The following ATAD2B variants were observed in gnomAD, a reference collection of about 807,000 sequenced individuals.
ATAD2B encodes ATPase family AAA domain containing 2B.
In ATAD2B, 40 loss-of-function variants were observed where a neutral mutation model predicts 167.6. That is an observed-to-expected ratio of 0.24 (90% CI 0.19 to 0.31). The LOEUF is 0.31. ATAD2B is among the 10% of genes least tolerant of loss of function. ATAD2B has a pLI of 1.00. For synonymous variants in ATAD2B, 579 were observed against 596.5 expected, an observed-to-expected ratio of 0.97 and a Z score of 0.43; for missense variants, 1,242 against 1,757.2, an observed-to-expected ratio of 0.71 and a Z score of 5.24.
chr2:23,889,291 C>T (rs1699131045), intron 2 of ATAD2B, among the ~76,000 whole-genome samples: 1 of 152,012 alleles, frequency 6.6e-6, no homozygotes, highest in African/African-American at 2.4e-5. Flanking sequence ...CCTCAGCCTC[C>T]CAAGTAGCTG....
At chr2:23,829,557 C>T (rs1688733300) in intron 14 of ATAD2B, among the ~76,000 whole-genome samples, 2 of 152,072 alleles carry the variant, frequency 1.3e-5, no homozygotes, top group South Asian at 4.1e-4. Context: ...TCAAGACTAG[C>T]CTGGACAACA....
chr2:23,877,466 C>A (rs985921677), intron 7 of ATAD2B, among the ~76,000 whole-genome samples: 1 of 140,324 alleles, frequency 7.1e-6, no homozygotes, highest in Non-Finnish European at 1.5e-5. Flanking sequence ...TGCACTCCAG[C>A]CTAGGTGACA....
At chr2:23,912,576 T>A (rs952791655) in intron 1 of ATAD2B, among the ~76,000 whole-genome samples, 5 of 151,396 alleles carry the variant, frequency 3.3e-5, no homozygotes, top group Middle Eastern at 3.4e-3. Context: ...AGATAACCAA[T>A]GGATGAAAGA....
the ATAD2B span, among the ~76,000 whole-genome samples, chr2:23,687,422 G>A: frequency 2.6e-5 from 4 of 152,180 alleles, no homozygotes; most frequent in Non-Finnish European, 5.9e-5. Flanking sequence ...GTGCCTGCCA[G>A]ACCCAACCCC....
At chr2:23,698,255 C>T in the ATAD2B span, among the ~76,000 whole-genome samples, 1 of 122,044 alleles carries the variant, frequency 8.2e-6, no homozygotes, top group East Asian at 3.4e-4. Context: ...GGCCCTGAGC[C>T]CTTCCTCAGC....
rs35835747 is a variant in ATAD2B at position 23,779,174 on chromosome 2, C to CT, written c.3133+3694dup. Among the ~76,000 whole-genome samples the CT allele has an allele frequency of 5.2e-3, 506 of 97,390 alleles. 8 individuals carry two copies. Among genetic ancestry groups the CT allele is most frequent in the African/African-American group, 0.013 (348 of 26,154 alleles). The allele number at this position is 97,390 out of a possible 152,430, so 63.9% of individuals were successfully genotyped here. On this transcript the variant is annotated intron_variant, in intron 22 of 27. Coordinates refer to ENST00000238789, the MANE Select transcript of ATAD2B (RefSeq NM_017552.4). ...GTTGGTATAATTTTTTTTTTCTTTT[C>CT]TTTTTTTTTTTTTTTTTTTGAGACA...
chr2:23,678,959 G>T, the ATAD2B span, among the ~76,000 whole-genome samples: 1 of 151,356 alleles, frequency 6.6e-6, no homozygotes, highest in East Asian at 1.9e-4. Context: ...CGTTTGTGAA[G>T]ATGAAAAGGA....
At chr2:23,742,268 G>A in the ATAD2B span, among the ~76,000 whole-genome samples, 70 of 152,100 alleles carry the variant, frequency 4.6e-4, 1 homozygote, top group East Asian at 8.5e-3. Flanking sequence ...TGTTTACAGC[G>A]GCACTATTCA....
chr2:23,816,039 A>G (rs188346605), intron 17 of ATAD2B, among the ~76,000 whole-genome samples: 2 of 152,370 alleles, frequency 1.3e-5, no homozygotes, highest in African/African-American at 2.4e-5. Flanking sequence ...CACTTTTACA[A>G]AACATTTGAA....
chr2:23,744,818 C>T (rs933073420), downstream of ATAD2B, among the ~76,000 whole-genome samples: 6 of 152,048 alleles, frequency 3.9e-5, no homozygotes, highest in Admixed American at 1.3e-4. Flanking sequence ...AGAAAGAAAA[C>T]GAATGGGATT....
chr2:23,844,308 G>GAA (rs911795236), intron 13 of ATAD2B, among the ~76,000 whole-genome samples: 1 of 140,656 alleles, frequency 7.1e-6, no homozygotes, highest in African/African-American at 2.6e-5. Context: ...GTCTCAAAAG[G>GAA]AAAAAAAAAA....
At chr2:23,860,803 T>G (rs991747442) in intron 12 of ATAD2B, among the ~76,000 whole-genome samples, 1 of 152,154 alleles carries the variant, frequency 6.6e-6, no homozygotes, top group Non-Finnish European at 1.5e-5. Flanking sequence ...AAACCCTGTC[T>G]GTACTAAAAA....
chr2:23,918,724 G>T (rs1573452583), intron 1 of ATAD2B, among the ~76,000 whole-genome samples: 1 of 152,170 alleles, frequency 6.6e-6, no homozygotes, highest in Non-Finnish European at 1.5e-5. Context: ...CACTTTTTCA[G>T]ATTTTGGTGG....
chr2:23,894,069 A>C (rs1313898099), intron 2 of ATAD2B, among the ~76,000 whole-genome samples: 1 of 152,200 alleles, frequency 6.6e-6, no homozygotes, highest in Non-Finnish European at 1.5e-5. Context: ...CTCAAAATGC[A>C]TCTAGGATTT....
rs1425666915 is a variant in ATAD2B at position 23,750,652 on chromosome 2, G to A, written c.*1394C>T. The stretch of plus-strand genomic sequence containing the variant: ...GCAGCTAACGGCTACAATGAATGAA[G>A]ATACCAAGCCAACTTGCTGGCAAAA... On this transcript the variant is annotated 3_prime_UTR_variant, in exon 28 of 28. Coordinates refer to ENST00000238789, the MANE Select transcript of ATAD2B (RefSeq NM_017552.4). 6.6e-6 allele frequency: 1 copy of A among 152,106 alleles called. No homozygotes were observed. The highest frequency in any genetic ancestry group is 2.4e-5 in the African/African-American group (1 of 41,438). The allele number at this position is 152,106 out of a possible 1,614,324, so 9.4% of individuals were successfully genotyped here.
At chr2:23,783,150 A>G (rs1680302620) in intron 21 of ATAD2B, 122 bp from the exon 22 acceptor site, 2 of 516,568 alleles carry the variant, frequency 3.9e-6, no homozygotes, top group Non-Finnish European at 6.3e-6. Flanking sequence ...AATAATTTAT[A>G]AAGATAAAAT....
the ATAD2B span, chr2:23,706,428 A>AG: frequency 7.3e-7 from 1 of 1,364,402 alleles, no homozygotes; most frequent in Non-Finnish European, 9.5e-7. Context: ...ACCTATCTCC[A>AG]GGGCCAAGTT....
chr2:23,727,650 T>C, the ATAD2B span, among the ~76,000 whole-genome samples: 3 of 152,234 alleles, frequency 2.0e-5, no homozygotes, highest in Middle Eastern at 3.4e-3. Flanking sequence ...TTGACAAAAC[T>C]TGGAAGCAAC....
intron 21 of ATAD2B, among the ~76,000 whole-genome samples, chr2:23,784,774 G>GA (rs1491374428): frequency 8.0e-6 from 1 of 125,598 alleles, no homozygotes; most frequent in African/African-American, 3.7e-5. Flanking sequence ...AAAACACTAT[G>GA]GGGGGGGGGA....
Sources: allele counts gnomAD v4.1 joint callset (sites outside exome capture counted in the v4.1 genomes callset), GRCh38; gene constraint gnomAD v4.1.1; transcripts MANE v1.5; gene names NCBI Gene and HGNC (gene_info 2026-07-23, HGNC 2026-07-21).